The following DSC3 variants were observed in gnomAD, a reference collection of about 807,000 sequenced individuals.
DSC3 encodes the protein desmocollin 3, also known as desmocollin-3.
In DSC3, 97 loss-of-function variants were observed where a neutral mutation model predicts 89.5. The observed-to-expected ratio is 1.08, with a 90% CI of 0.92 to 1.28. DSC3 has a LOEUF of 1.28. Among genes scored for constraint, DSC3 ranks in the 50% most tolerant of loss-of-function variants. DSC3 has a pLI of 0.00. For synonymous variants in DSC3, 436 were observed against 384.1 expected (o/e 1.14, Z -1.58); for missense variants, 1,199 against 1,085.3 (o/e 1.10, Z -1.47).
intron 7 of DSC3, among the ~76,000 whole-genome samples, chr18:31,020,146 T>C (rs1337714533): frequency 6.6e-6 from 1 of 152,254 alleles, no homozygotes; most frequent in East Asian, 1.9e-4. Flanking sequence ...CCTGGATATA[T>C]GGCCTCATAT....
rs9966555 is a variant in DSC3, at chr18:30,995,996, A to G, written c.2493+795T>C. ...TAAAAAAAAAAAAAAAAAAAAAAAA[A>G]AAAGAAAAGAAAGAAAAAAGCTTCT... On this transcript the variant is annotated intron_variant, in intron 15 of 15. Transcript: ENST00000360428. Among the ~76,000 whole-genome samples, 409 of 136,476 alleles carry G rather than the reference A, an allele frequency of 3.0e-3. 9 individuals carry two copies. Among genetic ancestry groups the G allele is most frequent in the Non-Finnish European group, 4.5e-3 (295 of 65,360 alleles). 89.5% of individuals were successfully genotyped at this position (136,476 alleles called of 152,430 possible).
At chr18:31,017,357 C>T (rs1267048179) in intron 9 of DSC3, among the ~76,000 whole-genome samples, 9 of 152,148 alleles carry the variant, frequency 5.9e-5, no homozygotes, top group Non-Finnish European at 1.5e-5. Flanking sequence ...TTCTTGTCCA[C>T]AGGACAATAT....
At position 31,042,634 on chromosome 18, in the gene DSC3, G is replaced by A. The variant is rs1017267833; in HGVS notation, c.27C>T (p.Ser9=). 3 of 1,550,110 alleles carry A rather than the reference G, an allele frequency of 1.9e-6. No homozygotes were observed. Among genetic ancestry groups the A allele is most frequent in the Non-Finnish European group, 1.7e-6 (2 of 1,146,686 alleles). Residue 9 remains serine, a synonymous_variant, in exon 1 of 16, where the codon TCC becomes TCT. Transcript: ENST00000360428. MAAAGPRR[S]VRGAVCLHLL... ...GATGCAGGCAGACGGCTCCGCGCAC[G>A]GAGCGCCGGGGCCCAGCGGCGGCCA...
At chr18:31,030,874 A>G in intron 3 of DSC3, 99 bp downstream of exon 3, 1 of 1,096,138 alleles carries the variant, frequency 9.1e-7, no homozygotes, top group Non-Finnish European at 1.4e-6. Flanking sequence ...TGAAAACAAA[A>G]GGGGAAAATA....
intron 14 of DSC3, among the ~76,000 whole-genome samples, chr18:31,001,085 G>A (rs1984639769): frequency 1.0e-5 from 1 of 98,890 alleles, no homozygotes; most frequent in African/African-American, 3.7e-5. Context: ...TACTTTGTGT[G>A]TGTGTATATA....
chr18:31,030,582 C>T (rs138010327), intron 3 of DSC3, among the ~76,000 whole-genome samples: 1 of 152,066 alleles, frequency 6.6e-6, no homozygotes, highest in Non-Finnish European at 1.5e-5. Flanking sequence ...GAAGCCCTCA[C>T]AGAGGAGAAA....
chr18:30,999,046 T>G (rs534740356), intron 14 of DSC3, among the ~76,000 whole-genome samples: 4 of 152,260 alleles, frequency 2.6e-5, no homozygotes, highest in African/African-American at 7.2e-5. Context: ...TGAAAAAGTC[T>G]TCATTAAACA....
intron 7 of DSC3, among the ~76,000 whole-genome samples, 183 bp downstream of exon 7, chr18:31,022,153 A>G (rs541809961): frequency 2.0e-5 from 3 of 152,272 alleles, no homozygotes; most frequent in Non-Finnish European, 4.4e-5. Context: ...TCTAGTCCTT[A>G]TGGCTACTCT....
In DSC3 at chr18:30,994,188, C is replaced by T. The variant is rs1984371934; in HGVS notation, c.2678G>A (p.Cys893Tyr). 3.1e-6 allele frequency: 5 copies of T among 1,613,898 alleles called. No homozygotes were observed. The highest frequency in any genetic ancestry group is 4.2e-6 in the Non-Finnish European group (5 of 1,179,886). The stretch of plus-strand genomic sequence containing the variant: ...AGCACTGTGACATTATCTCTTTGTG[C>T]ATGCTTCTGCTAATGTAATAAATTT... The part of the protein sequence containing the change: ...EPKFITLAEA[C>Y]TKR The change falls in exon 16 of 16, where the codon TGC (cysteine) becomes TAC (tyrosine). Residue 893 changes from cysteine (C) to tyrosine (Y), a missense_variant. Coordinates refer to ENST00000360428, the MANE Select transcript of DSC3 (RefSeq NM_001941.5).
At position 31,036,738 on chromosome 18, in the gene DSC3, A is replaced by G. The variant is rs910102129; in HGVS notation, c.70-4462T>C. ...TTAGGGCTCTTGAGACTTTCCATCC[A>G]TGAACATGATTCATTCTCACTTACT... On this transcript the variant is annotated intron_variant, in intron 1 of 15. Coordinates refer to ENST00000360428, the MANE Select transcript of DSC3 (RefSeq NM_001941.5). Among the ~76,000 whole-genome samples, 24 of 150,776 alleles carry G rather than the reference A, an allele frequency of 1.6e-4. 2 individuals are homozygous for G. Among genetic ancestry groups the G allele is most frequent in the Admixed American group, 1.1e-3 (17 of 15,112 alleles).
chr18:31,024,247 A>C lies in DSC3; in HGVS notation c.775+102T>G, dbSNP rs76266602. The C allele has an allele frequency of 2.5e-3, 2,873 of 1,136,760 alleles. 67 individuals carry two copies. The African/African-American group carries it at 0.041, about 16-fold the overall frequency. The allele number at this position is 1,136,760 out of a possible 1,614,324, so 70.4% of individuals were successfully genotyped here. A position where few individuals can be genotyped will look rare whatever the true frequency, so the allele number is the denominator to read the frequency against. ...GGTAAGTAGATTCTAGTTCAGCGTT[A>C]TCTCAGGCTGATCTGGCCTTGAGTA... On this transcript the variant is annotated intron_variant, in intron 6 of 15. Coordinates refer to ENST00000360428, the MANE Select transcript of DSC3 (RefSeq NM_001941.5).
In DSC3 at chr18:30,990,206, T is replaced by A. The variant is rs1488988120; in HGVS notation, c.*3969A>T. On this transcript the variant is annotated 3_prime_UTR_variant, in exon 16 of 16. Coordinates refer to ENST00000360428, the MANE Select transcript of DSC3 (RefSeq NM_001941.5). ...CAACAACCCCATGAGGCTGGCATTGTTCATTGATTTTAATGAGAAAGCTAA... is the reference window on the plus strand; with the variant it reads ...CAACAACCCCATGAGGCTGGCATTGATCATTGATTTTAATGAGAAAGCTAA... The A allele has an allele frequency of 6.6e-6, 1 of 152,190 alleles. No individual in the cohort carries two copies. The highest frequency in any genetic ancestry group is 1.5e-5 in the Non-Finnish European group (1 of 68,024). The allele number at this position is 152,190 out of a possible 1,614,324, so 9.4% of individuals were successfully genotyped here.
chr18:30,995,992 A>AAAAAAAAAAG (rs1984445124), intron 15 of DSC3, among the ~76,000 whole-genome samples: 1 of 117,590 alleles, frequency 8.5e-6, no homozygotes, highest in African/African-American at 3.9e-5. Flanking sequence ...AAAAAAAAAA[A>AAAAAAAAAAG]AAAAAAAGAA....
intron 15 of DSC3, among the ~76,000 whole-genome samples, chr18:30,995,430 TC>T: frequency 6.6e-6 from 1 of 152,302 alleles, no homozygotes; most frequent in Admixed American, 6.5e-5. Flanking sequence ...TACCAGAGTA[TC>T]ACCCATTTGC....
chr18:31,038,699 A>G (rs1374754754), intron 1 of DSC3, among the ~76,000 whole-genome samples: 4 of 152,094 alleles, frequency 2.6e-5, no homozygotes, highest in African/African-American at 9.7e-5. Flanking sequence ...TATAAATACC[A>G]AAGATTACAT....
chr18:31,026,972 G>T (rs116128307), intron 4 of DSC3, among the ~76,000 whole-genome samples: 1 of 152,170 alleles, frequency 6.6e-6, no homozygotes, highest in Non-Finnish European at 1.5e-5. Context: ...TGTTTTTTCA[G>T]ATTAGAACCT....
At chr18:31,023,850 C>T (rs1028951858) in intron 6 of DSC3, among the ~76,000 whole-genome samples, 1 of 151,906 alleles carries the variant, frequency 6.6e-6, no homozygotes, top group African/African-American at 2.4e-5. Context: ...TGAAGTTATT[C>T]CGGTATTCAT....
chr18:31,027,543 G>A (rs975192055), intron 4 of DSC3, among the ~76,000 whole-genome samples: 1 of 146,312 alleles, frequency 6.8e-6, no homozygotes, highest in Non-Finnish European at 1.5e-5. Flanking sequence ...CTAGATATTC[G>A]CCAACTTTGT....
chr18:31,015,441 A>G (rs1985203977), intron 9 of DSC3, among the ~76,000 whole-genome samples: 1 of 152,216 alleles, frequency 6.6e-6, no homozygotes, highest in African/African-American at 2.4e-5. Flanking sequence ...AAAAACATAC[A>G]AAAGAACATT....
Sources: allele counts gnomAD v4.1 joint callset (sites outside exome capture counted in the v4.1 genomes callset), GRCh38; gene constraint gnomAD v4.1.1; transcripts MANE v1.5; gene names NCBI Gene and HGNC (gene_info 2026-07-23, HGNC 2026-07-21).